Variants in CCSER1 observed in about 807,000 individuals in gnomAD.
CCSER1 encodes the protein serine-rich coiled-coil domain-containing protein 1.
A neutral mutation model predicts 82.0 loss-of-function variants in CCSER1; 41 were observed. The observed-to-expected ratio is 0.50, with a 90% CI of 0.39 to 0.65. The LOEUF (loss-of-function observed/expected upper bound fraction) is 0.65, where lower values mean the gene tolerates loss of function less well. Ranked by LOEUF, CCSER1 falls within the 30% of genes least tolerant of loss-of-function variation. The pLI, the probability that CCSER1 is intolerant of heterozygous loss-of-function variation, is 0.00. For missense variants in CCSER1, 1,119 were observed against 1,064.2 expected (o/e 1.05, Z -0.72); for synonymous variants, 414 against 383.9 (o/e 1.08, Z -0.92).
At chr4:91,099,218 G>A (rs1178445422) in intron 10 of CCSER1, among the ~76,000 whole-genome samples, 1 of 152,120 alleles carries the variant, frequency 6.6e-6, no homozygotes, top group East Asian at 1.9e-4. Context: ...TTTCTGTATA[G>A]TTTAGTAGAA....
chr4:90,212,869 A>G (rs1378404683), intron 1 of CCSER1, among the ~76,000 whole-genome samples: 1 of 152,186 alleles, frequency 6.6e-6, no homozygotes, highest in African/African-American at 2.4e-5. Flanking sequence ...AGAGAACATC[A>G]AGTGTAAAGA....
intron 9 of CCSER1, among the ~76,000 whole-genome samples, chr4:91,061,291 A>T (rs1436200913): frequency 2.0e-5 from 3 of 151,986 alleles, no homozygotes; most frequent in Non-Finnish European, 2.9e-5. Flanking sequence ...TAAAAAAAAA[A>T]AGAACTGAAA....
intron 9 of CCSER1, among the ~76,000 whole-genome samples, chr4:90,998,348 G>A (rs35259092): frequency 0.012 from 1,899 of 152,168 alleles, 23 homozygotes; most frequent in South Asian, 0.022. Context: ...CCAAAGAGCC[G>A]GGATTACAGG....
chr4:90,754,890 G>T (rs1462632444), intron 7 of CCSER1, among the ~76,000 whole-genome samples: 1 of 152,150 alleles, frequency 6.6e-6, no homozygotes, highest in Non-Finnish European at 1.5e-5. Flanking sequence ...GCTGCTCCTG[G>T]AAGTTGTCTG....
At chr4:90,975,625 G>T (rs1735541922) in intron 9 of CCSER1, among the ~76,000 whole-genome samples, 1 of 150,978 alleles carries the variant, frequency 6.6e-6, no homozygotes, top group African/African-American at 2.4e-5. Flanking sequence ...ACTTCTCTCT[G>T]CCAGGCCATT....
chr4:90,786,280 T>C (rs968287045), intron 7 of CCSER1, among the ~76,000 whole-genome samples: 5 of 152,222 alleles, frequency 3.3e-5, no homozygotes, highest in East Asian at 3.9e-4. Flanking sequence ...TGTGTTCTAA[T>C]AATGATGTTC....
chr4:91,273,896 G>A (rs1226776095), intron 10 of CCSER1, among the ~76,000 whole-genome samples: 2 of 152,120 alleles, frequency 1.3e-5, no homozygotes, highest in African/African-American at 4.8e-5. Context: ...TTTCTGTGGT[G>A]TATCACCAAA....
At chr4:91,589,303 C>A (rs1286635007) in intron 10 of CCSER1, among the ~76,000 whole-genome samples, 1 of 151,676 alleles carries the variant, frequency 6.6e-6, no homozygotes, top group Non-Finnish European at 1.5e-5. Flanking sequence ...ATTATTTAAT[C>A]ATGCTAATAA....
chr4:91,384,730 C>A (rs1751164208), intron 10 of CCSER1, among the ~76,000 whole-genome samples: 1 of 151,888 alleles, frequency 6.6e-6, no homozygotes, highest in Non-Finnish European at 1.5e-5. Flanking sequence ...CTGACAGACA[C>A]AAAAACTTTT....
chr4:90,534,436 G>A (rs972788051), intron 5 of CCSER1, among the ~76,000 whole-genome samples: 2 of 137,906 alleles, frequency 1.5e-5, no homozygotes, highest in African/African-American at 2.8e-5. Flanking sequence ...GGCTGTGCCA[G>A]CCTTTTGTGT....
chr4:91,410,035 CA>C (rs1752934785), intron 10 of CCSER1, among the ~76,000 whole-genome samples: 1 of 152,146 alleles, frequency 6.6e-6, no homozygotes, highest in Non-Finnish European at 1.5e-5. Flanking sequence ...TTATCAGAAT[CA>C]GTGTATTAAT....
At chr4:90,617,955 T>TTG (rs1272206046) in intron 5 of CCSER1, among the ~76,000 whole-genome samples, 1 of 152,018 alleles carries the variant, frequency 6.6e-6, no homozygotes, top group Non-Finnish European at 1.5e-5. Flanking sequence ...TAGATGATTT[T>TTG]TGTGTGTGTG....
intron 10 of CCSER1, among the ~76,000 whole-genome samples, chr4:91,498,732 T>G (rs1759059504): frequency 6.6e-6 from 1 of 151,924 alleles, no homozygotes; most frequent in Non-Finnish European, 1.5e-5. Flanking sequence ...GCCATTCTTT[T>G]TCTTATCATG....
intron 1 of CCSER1, among the ~76,000 whole-genome samples, chr4:90,135,334 C>A (rs1335444121): frequency 6.6e-6 from 1 of 151,776 alleles, no homozygotes; most frequent in Non-Finnish European, 1.5e-5. Context: ...TTGAGCAAGA[C>A]CCCCCCTTTG....
Position 91,149,797 on chromosome 4 carries a change from G to T in CCSER1, c.2217+63803G>T, listed in dbSNP as rs540624684. Among the ~76,000 whole-genome samples the T allele has an allele frequency of 9.9e-5, 15 of 152,272 alleles. No individual in the cohort carries two copies. In the South Asian group the frequency reaches 2.9e-3, roughly 29 times the overall value. ...AAAGATCAGGTGGTAGTAGATGTGT[G>T]ATATGATTTCTGAGGGCTCTGTTCT... On this transcript the variant is annotated intron_variant, in intron 10 of 10. Transcript: ENST00000509176.
chr4:90,469,661 T>A (rs1362994805), intron 5 of CCSER1, among the ~76,000 whole-genome samples: 1 of 152,022 alleles, frequency 6.6e-6, no homozygotes, highest in African/African-American at 2.4e-5. Flanking sequence ...TAATAATCCA[T>A]AAAGTTCTAG....
chr4:91,061,018 T>G (rs553521017), intron 9 of CCSER1, among the ~76,000 whole-genome samples: 1 of 152,200 alleles, frequency 6.6e-6, no homozygotes, highest in Non-Finnish European at 1.5e-5. Flanking sequence ...CCTACATATA[T>G]TTTTACCATT....
At chr4:90,265,421 C>G (rs994014814) in intron 1 of CCSER1, among the ~76,000 whole-genome samples, 5 of 151,650 alleles carry the variant, frequency 3.3e-5, no homozygotes, top group African/African-American at 1.2e-4. Flanking sequence ...TCAAATTTCA[C>G]TAGTGTAATA....
intron 10 of CCSER1, among the ~76,000 whole-genome samples, chr4:91,434,315 G>A (rs1754511872): frequency 6.6e-6 from 1 of 151,888 alleles, no homozygotes; most frequent in South Asian, 2.1e-4. Flanking sequence ...ATTAGAATAT[G>A]GAAAAACGGC....
Sources: allele counts gnomAD v4.1 joint callset (sites outside exome capture counted in the v4.1 genomes callset), GRCh38; gene constraint gnomAD v4.1.1; transcripts MANE v1.5; gene names NCBI Gene and HGNC (gene_info 2026-07-23, HGNC 2026-07-21).